Variants in SYTL3 observed in about 807,000 individuals in gnomAD.
The protein encoded by SYTL3 is synaptotagmin like 3.
Under a neutral mutation model 82.1 loss-of-function variants are expected in SYTL3, and 88 were observed. That is an observed-to-expected ratio of 1.07 (90% CI 0.90 to 1.28). The LOEUF (loss-of-function observed/expected upper bound fraction) is 1.28. Among genes scored for constraint, SYTL3 ranks in the 50% most tolerant of loss-of-function variants. SYTL3 has a pLI of 0.00. For missense variants in SYTL3, 831 were observed against 757.6 expected (o/e 1.10, Z -1.14); for synonymous variants, 311 against 289.4 (o/e 1.07, Z -0.76).
intron 6 of SYTL3, among the ~76,000 whole-genome samples, chr6:158,698,314 TTGA>T (rs1780781340): frequency 6.6e-6 from 1 of 150,494 alleles, no homozygotes; most frequent in Non-Finnish European, 1.5e-5. Context: ...GGAGAATCGC[TTGA>T]ACACAGGAGG....
At chr6:158,739,095 T>C (rs1583436422) in intron 11 of SYTL3, among the ~76,000 whole-genome samples, 2 of 152,260 alleles carry the variant, frequency 1.3e-5, no homozygotes, top group East Asian at 3.8e-4. Flanking sequence ...ATATTTCAGC[T>C]GTGTCTCATC....
intron 6 of SYTL3, among the ~76,000 whole-genome samples, chr6:158,693,029 C>G (rs150003244): frequency 3.9e-5 from 6 of 152,156 alleles, no homozygotes; most frequent in African/African-American, 1.2e-4. Flanking sequence ...CTCTCCTCTC[C>G]GTTGGTTTGC....
At chr6:158,728,654 A>G (rs1484434895) in intron 11 of SYTL3, among the ~76,000 whole-genome samples, 1 of 152,256 alleles carries the variant, frequency 6.6e-6, no homozygotes, top group Non-Finnish European at 1.5e-5. Context: ...ATTAAAAAAC[A>G]TTAAGGCCGG....
chr6:158,705,507 G>C (rs1247943742), intron 6 of SYTL3, among the ~76,000 whole-genome samples: 1 of 121,738 alleles, frequency 8.2e-6, no homozygotes, highest in Admixed American at 7.9e-5. Flanking sequence ...AGGCCACGTA[G>C]GACAGGAAGA....
At chr6:158,711,581 G>A (rs778960384) in intron 8 of SYTL3, among the ~76,000 whole-genome samples, 2 of 152,130 alleles carry the variant, frequency 1.3e-5, no homozygotes, top group African/African-American at 4.8e-5. Flanking sequence ...TGAATCTCGC[G>A]GAAGAAAGAA....
In SYTL3 at chr6:158,708,292, C is replaced by G. The variant is rs201751219; in HGVS notation, c.447-30C>G. On this transcript the variant is annotated intron_variant, in intron 7 of 17. Transcript: ENST00000611299. Reference sequence around the variant, plus strand: ...CTAACGGCTTGCATGGTTCACAACCCATTTCTTATGCCTGTGTTTTCCTTG... The same window carrying G: ...CTAACGGCTTGCATGGTTCACAACCGATTTCTTATGCCTGTGTTTTCCTTG... The G allele has an allele frequency of 2.5e-4, 389 of 1,576,862 alleles. 1 individual carries two copies. The African/African-American group carries it at 4.6e-3, about 19-fold the overall frequency.
chr6:158,696,771 ACTTACTACAAAG>A (rs745374075), intron 6 of SYTL3, among the ~76,000 whole-genome samples: 1 of 152,030 alleles, frequency 6.6e-6, no homozygotes, highest in Non-Finnish European at 1.5e-5. Flanking sequence ...AGATCTCAAA[ACTTACTACAAAG>A]CTACAGTAAT....
intron 9 of SYTL3, among the ~76,000 whole-genome samples, chr6:158,716,027 C>T (rs1783381776): frequency 6.6e-6 from 1 of 152,118 alleles, no homozygotes; most frequent in Non-Finnish European, 1.5e-5. Flanking sequence ...TGGCTTTGCC[C>T]CTGAGGGGTT....
intron 15 of SYTL3, among the ~76,000 whole-genome samples, chr6:158,761,824 C>G (rs1473200068): frequency 6.6e-6 from 1 of 152,196 alleles, no homozygotes; most frequent in Admixed American, 6.5e-5. Flanking sequence ...TTGCGTTCCT[C>G]TTTACTCTTT....
intron 6 of SYTL3, among the ~76,000 whole-genome samples, chr6:158,685,256 C>T (rs569737460): frequency 6.7e-6 from 1 of 149,736 alleles, no homozygotes; most frequent in South Asian, 2.1e-4. Flanking sequence ...TTCTGTCATC[C>T]AGGCTGGAGT....
chr6:158,664,442 T>G (rs893421901), intron 4 of SYTL3, among the ~76,000 whole-genome samples: 3 of 151,326 alleles, frequency 2.0e-5, no homozygotes, highest in Admixed American at 2.0e-4. Context: ...ACTCAGGAGG[T>G]TGAGACAGGA....
At chr6:158,757,178 G>T (rs774746629) in intron 13 of SYTL3, 33 bp from the exon 14 acceptor site, 1 of 1,593,788 alleles carries the variant, frequency 6.3e-7, no homozygotes, top group Non-Finnish European at 8.5e-7. Context: ...GGCCCCGGGA[G>T]CCCAGCTGAC....
In SYTL3 at chr6:158,682,933, A is replaced by C. The variant is rs969789741; in HGVS notation, c.338A>C (p.Lys113Thr). 1 of 1,613,230 alleles carries C rather than the reference A, an allele frequency of 6.2e-7. No individual in the cohort carries two copies. The highest frequency in any genetic ancestry group is 1.3e-5 in the African/African-American group (1 of 74,930). Residue 113 changes from lysine to threonine, a missense_variant, in exon 6 of 18, where the codon AAA becomes ACA. By Grantham distance (78) the Lys-to-Thr change is moderately conservative (BLOSUM62 -1). Transcript: ENST00000611299. Reference protein sequence around the residue: ...CTVCFEDRNVKIKTGEWFYEE... With the variant: ...CTVCFEDRNVTIKTGEWFYEE... Reference sequence around the variant, plus strand: ...TCTGCTCATTTTTTCAGGAATGTCAAAATAAAAACTGGAGAATGGTTCTAT... The same window carrying C: ...TCTGCTCATTTTTTCAGGAATGTCACAATAAAAACTGGAGAATGGTTCTAT...
chr6:158,663,203 AGG>A lies in SYTL3; in HGVS notation c.-64_-63del. 2.1e-6 allele frequency: 3 copies of A among 1,451,224 alleles called. No homozygotes were observed. Among genetic ancestry groups the A allele is most frequent in the Non-Finnish European group, 2.9e-6 (3 of 1,036,796 alleles). The allele number at this position is 1,451,224 out of a possible 1,614,324, so 89.9% of individuals were successfully genotyped here. ...CAGCTGGCCTCCGCCGCTCATCTGCAGGGCGTGAGCGCTTGGTCCATGCAGTG... is the reference window on the plus strand; with the variant it reads ...CAGCTGGCCTCCGCCGCTCATCTGCAGCGTGAGCGCTTGGTCCATGCAGTG... On this transcript the variant is annotated 5_prime_UTR_variant, in exon 4 of 18. Coordinates refer to ENST00000611299, the MANE Select transcript of SYTL3 (RefSeq NM_001242394.2).
Position 158,760,765 on chromosome 6 carries a change from C to CT in SYTL3, c.1414+21dup, listed in dbSNP as rs1562474514. On this transcript the variant is annotated intron_variant, in intron 15 of 17. Transcript: ENST00000611299. ...AAGAAGGTCAGTGGCCTCCAGCTCC[C>CT]TGGACATTGTCTGTGTCATTGTCTG... 20 of 1,581,458 alleles carry CT rather than the reference C, an allele frequency of 1.3e-5. No homozygotes were observed. The highest frequency in any genetic ancestry group is 1.7e-5 in the Non-Finnish European group (20 of 1,150,208).
intron 10 of SYTL3, among the ~76,000 whole-genome samples, chr6:158,719,681 G>T (rs1272104375): frequency 6.6e-6 from 1 of 152,248 alleles, no homozygotes. Flanking sequence ...AGGTGGAGGG[G>T]AGGGTTAGCA....
At chr6:158,695,115 T>C (rs1419825995) in intron 6 of SYTL3, among the ~76,000 whole-genome samples, 1 of 152,248 alleles carries the variant, frequency 6.6e-6, no homozygotes, top group Non-Finnish European at 1.5e-5. Flanking sequence ...CCATGTTCAC[T>C]CATTCTCATA....
Position 158,651,798 on chromosome 6 carries a change from G to A in SYTL3, c.-681G>A, listed in dbSNP as rs977868365. ...TACTCGGAATCAGCGGTGAATTGCAGTGATCTTTCAGAGAAAGCGCCTGTT... is the reference window on the plus strand; with the variant it reads ...TACTCGGAATCAGCGGTGAATTGCAATGATCTTTCAGAGAAAGCGCCTGTT... On this transcript the variant is annotated 5_prime_UTR_variant, in exon 2 of 18. In the 5' UTR this introduces an upstream ATG that the reference lacks. Transcript: ENST00000611299. 1 of 151,948 alleles carries A rather than the reference G, an allele frequency of 6.6e-6. No individual in the cohort carries two copies. The highest frequency in any genetic ancestry group is 2.4e-5 in the African/African-American group (1 of 41,416). 9.4% of individuals were successfully genotyped at this position (151,948 alleles called of 1,614,324 possible).
intron 9 of SYTL3, among the ~76,000 whole-genome samples, chr6:158,715,854 G>A (rs547669271): frequency 1.3e-5 from 2 of 152,216 alleles, no homozygotes; most frequent in East Asian, 3.9e-4. Flanking sequence ...TGGATTTTGA[G>A]CTCCTCTTCT....
Sources: allele counts gnomAD v4.1 joint callset (sites outside exome capture counted in the v4.1 genomes callset), GRCh38; gene constraint gnomAD v4.1.1; transcripts MANE v1.5; gene names NCBI Gene and HGNC (gene_info 2026-07-23, HGNC 2026-07-21).